Variants in PRKCB observed in about 807,000 individuals in gnomAD.
PRKCB encodes the protein protein kinase C beta type.
In PRKCB, 13 loss-of-function variants were observed where a neutral mutation model predicts 81.5. That is an observed-to-expected ratio of 0.16 (90% CI 0.10 to 0.25). The LOEUF is 0.25. PRKCB is among the 10% of genes least tolerant of loss of function. PRKCB has a pLI of 1.00. For synonymous variants in PRKCB, 335 were observed against 321.4 expected (o/e 1.04, Z -0.45); for missense variants, 509 against 875.7 (o/e 0.58, Z 5.29).
intron 2 of PRKCB, among the ~76,000 whole-genome samples, chr16:23,861,419 C>T (rs912967729): frequency 5.3e-5 from 8 of 152,240 alleles, no homozygotes; most frequent in Middle Eastern, 3.4e-3. Flanking sequence ...CTCACACCTC[C>T]GCCTCCTAAA....
intron 2 of PRKCB, among the ~76,000 whole-genome samples, chr16:23,902,121 G>A (rs572632267): frequency 6.6e-6 from 1 of 152,250 alleles, no homozygotes; most frequent in African/African-American, 2.4e-5. Flanking sequence ...CAGACAGAGG[G>A]CAGCTTGGGG....
chr16:23,968,666 C>A (rs1293884423), intron 2 of PRKCB, among the ~76,000 whole-genome samples: 1 of 152,106 alleles, frequency 6.6e-6, no homozygotes, highest in Non-Finnish European at 1.5e-5. Context: ...TGGGGCTCAG[C>A]TCACAGCAGA....
intron 2 of PRKCB, among the ~76,000 whole-genome samples, chr16:23,933,939 C>T (rs1293858455): frequency 7.6e-6 from 1 of 131,406 alleles, no homozygotes; most frequent in Admixed American, 8.2e-5. Flanking sequence ...ATCCATCCAT[C>T]CATCCATCCA....
At chr16:24,192,221 A>G (rs752567122) in intron 16 of PRKCB, among the ~76,000 whole-genome samples, 1 of 152,262 alleles carries the variant, frequency 6.6e-6, no homozygotes, top group Non-Finnish European at 1.5e-5. Flanking sequence ...GAGGGTTGTT[A>G]TGATGCATAA....
intron 2 of PRKCB, among the ~76,000 whole-genome samples, chr16:23,874,980 A>G (rs966431170): frequency 2.7e-5 from 4 of 149,976 alleles, no homozygotes; most frequent in Admixed American, 6.6e-5. Flanking sequence ...CTGATCACCC[A>G]TCTTTTCAGC....
At chr16:24,196,912 A>C (rs1967888177) in intron 16 of PRKCB, among the ~76,000 whole-genome samples, 1 of 152,196 alleles carries the variant, frequency 6.6e-6, no homozygotes, top group African/African-American at 2.4e-5. Context: ...CAGGGCACAC[A>C]GCAGGCTGTT....
At chr16:24,140,069 G>T (rs1966884454) in intron 9 of PRKCB, among the ~76,000 whole-genome samples, 1 of 152,164 alleles carries the variant, frequency 6.6e-6, no homozygotes, top group African/African-American at 2.4e-5. Context: ...CCTCTTTACT[G>T]CTAGAGGCAA....
intron 10 of PRKCB, among the ~76,000 whole-genome samples, chr16:24,156,526 C>T (rs930100196): frequency 3.3e-5 from 5 of 152,146 alleles, no homozygotes; most frequent in Non-Finnish European, 7.3e-5. Context: ...TCACCTGCTT[C>T]GGCCTCCCAA....
chr16:23,953,056 A>G (rs1423982215), intron 2 of PRKCB, among the ~76,000 whole-genome samples: 1 of 152,072 alleles, frequency 6.6e-6, no homozygotes, highest in Non-Finnish European at 1.5e-5. Flanking sequence ...TCCATGCATT[A>G]TTGCGTTTAA....
At chr16:24,197,969 A>G (rs1004593086) in intron 16 of PRKCB, among the ~76,000 whole-genome samples, 1 of 152,214 alleles carries the variant, frequency 6.6e-6, no homozygotes, top group Admixed American at 6.5e-5. Context: ...CTTGCAGGGC[A>G]TAGAGCAGGA....
At chr16:24,168,747 CAG>C (rs1461860487) in intron 10 of PRKCB, among the ~76,000 whole-genome samples, 2 of 136,192 alleles carry the variant, frequency 1.5e-5, no homozygotes, top group African/African-American at 5.5e-5. Context: ...TTGGTAGAGG[CAG>C]AGTCTTGCTA....
At chr16:24,029,888 C>A (rs1965529911) in intron 3 of PRKCB, among the ~76,000 whole-genome samples, 1 of 152,076 alleles carries the variant, frequency 6.6e-6, no homozygotes, top group South Asian at 2.1e-4. Flanking sequence ...TTAACTTCTG[C>A]CATGTACTTT....
intron 7 of PRKCB, chr16:24,098,220 T>C (rs980533189): frequency 6.6e-6 from 1 of 152,216 alleles, no homozygotes; most frequent in Non-Finnish European, 1.5e-5. Context: ...AAAAACATAG[T>C]TCTCATAAGA....
intron 2 of PRKCB, among the ~76,000 whole-genome samples, chr16:23,885,776 A>G (rs915545804): frequency 6.6e-6 from 1 of 152,194 alleles, no homozygotes; most frequent in African/African-American, 2.4e-5. Flanking sequence ...GAAAATATAT[A>G]TTTCAGACAC....
intron 3 of PRKCB, among the ~76,000 whole-genome samples, chr16:24,021,041 TC>T (rs1965366893): frequency 1.8e-5 from 1 of 55,766 alleles, no homozygotes; most frequent in African/African-American, 7.8e-5. Context: ...TCTTTCTTTC[TC>T]TTTCTTTCTT....
intron 2 of PRKCB, among the ~76,000 whole-genome samples, chr16:23,887,364 G>A (rs890385359): frequency 2.6e-5 from 4 of 152,056 alleles, no homozygotes; most frequent in Admixed American, 2.0e-4. Context: ...CCTCCTTTCC[G>A]AGTTCCCAGT....
chr16:24,022,499 T>TC, intron 3 of PRKCB, among the ~76,000 whole-genome samples: 1 of 152,300 alleles, frequency 6.6e-6, no homozygotes, highest in East Asian at 1.9e-4. Flanking sequence ...CTTTCTTTCT[T>TC]TTTTTTGTTT....
intron 2 of PRKCB, among the ~76,000 whole-genome samples, chr16:23,960,563 C>T (rs186115945): frequency 6.6e-6 from 1 of 151,992 alleles, no homozygotes; most frequent in Non-Finnish European, 1.5e-5. Flanking sequence ...CTGCACAGAT[C>T]GACCCATCAC....
Position 24,215,608 on chromosome 16 carries a change from T to A in PRKCB, c.*792T>A. ...CATTACATTTCAAACTTTATTTGCT[T>A]TGGGGTTTTGTTTCTGTTGTTGTTC... On this transcript the variant is annotated 3_prime_UTR_variant, in exon 17 of 17. Transcript: ENST00000643927. 2 of 985,542 alleles carry A rather than the reference T, an allele frequency of 2.0e-6. No homozygotes were observed. Among genetic ancestry groups the A allele is most frequent in the Non-Finnish European group, 2.4e-6 (2 of 829,788 alleles). The allele number at this position is 985,542 out of a possible 1,614,324, so 61.0% of individuals were successfully genotyped here. A position where few individuals can be genotyped will look rare whatever the true frequency, so the allele number is the denominator to read the frequency against.
Sources: allele counts gnomAD v4.1 joint callset (sites outside exome capture counted in the v4.1 genomes callset), GRCh38; gene constraint gnomAD v4.1.1; transcripts MANE v1.5; gene names NCBI Gene and HGNC (gene_info 2026-07-23, HGNC 2026-07-21).